ITPR2: variants seen among roughly 807,000 people sequenced by gnomAD.
ITPR2 encodes inositol 1,4,5-trisphosphate receptor type 2, also known as inositol 1,4,5-trisphosphate-gated calcium channel ITPR2.
ITPR2 carries 207 observed loss-of-function variants against 317.1 expected under a neutral mutation model. That is an observed-to-expected ratio of 0.65 (90% CI 0.58 to 0.73). The LOEUF is 0.73. Among genes scored for constraint, ITPR2 ranks in the 30% least tolerant of loss-of-function variants. ITPR2 has a pLI of 0.00. For missense variants in ITPR2, 2,613 were observed against 3,284.0 expected, an observed-to-expected ratio of 0.80 and a Z score of 4.99; for synonymous variants, 1,156 against 1,149.1, an observed-to-expected ratio of 1.01 and a Z score of -0.12.
intron 54 of ITPR2, among the ~76,000 whole-genome samples, chr12:26,392,965 C>T (rs1310433978): frequency 6.6e-6 from 1 of 152,202 alleles, no homozygotes; most frequent in Non-Finnish European, 1.5e-5. Flanking sequence ...TAATCTGTGT[C>T]TCTGCTTCCT....
At chr12:26,589,833 CAT>C (rs796334245) in intron 32 of ITPR2, among the ~76,000 whole-genome samples, 23 of 32,890 alleles carry the variant, frequency 7.0e-4, no homozygotes, top group African/African-American at 1.4e-3. Flanking sequence ...AATAAATAAA[CAT>C]ATATATATAT....
intron 46 of ITPR2, among the ~76,000 whole-genome samples, chr12:26,440,265 T>TTTG (rs938723723): frequency 1.3e-5 from 2 of 152,108 alleles, no homozygotes; most frequent in South Asian, 2.1e-4. Flanking sequence ...ACAAAAGTTT[T>TTTG]TTGTTGTTGT....
At chr12:26,477,294 A>G (rs949223828) in intron 43 of ITPR2, among the ~76,000 whole-genome samples, 12 of 152,154 alleles carry the variant, frequency 7.9e-5, no homozygotes, top group Non-Finnish European at 1.5e-4. Context: ...ACACTAAAAT[A>G]TAATCATATT....
chr12:26,580,865 G>A (rs1206926790), intron 32 of ITPR2, among the ~76,000 whole-genome samples: 1 of 152,114 alleles, frequency 6.6e-6, no homozygotes, highest in Non-Finnish European at 1.5e-5. Context: ...GCATTTTGCT[G>A]TAAATTTCAA....
chr12:26,787,039 T>G (rs2137203517), intron 2 of ITPR2, among the ~76,000 whole-genome samples: 1 of 152,194 alleles, frequency 6.6e-6, no homozygotes, highest in East Asian at 1.9e-4. Flanking sequence ...GGGAAATATA[T>G]TCATGCAGAG....
At chr12:26,461,603 CAAT>C (rs1212814988) in intron 45 of ITPR2, among the ~76,000 whole-genome samples, 1 of 126,188 alleles carries the variant, frequency 7.9e-6, no homozygotes, top group Non-Finnish European at 1.6e-5. Context: ...ACAAAGCTGA[CAAT>C]AAGAAAAAGA....
At chr12:26,460,397 A>G (rs2136781442) in intron 45 of ITPR2, among the ~76,000 whole-genome samples, 1 of 152,348 alleles carries the variant, frequency 6.6e-6, no homozygotes, top group East Asian at 1.9e-4. Context: ...ATTTTTCAAC[A>G]TATATTTTCA....
intron 55 of ITPR2, among the ~76,000 whole-genome samples, chr12:26,350,969 A>T (rs1938462445): frequency 2.6e-5 from 4 of 152,142 alleles, no homozygotes; most frequent in Admixed American, 2.6e-4. Flanking sequence ...CCACAGAGAG[A>T]AGAGGGAGTG....
At chr12:26,429,620 C>T (rs965627739) in intron 48 of ITPR2, among the ~76,000 whole-genome samples, 7 of 152,122 alleles carry the variant, frequency 4.6e-5, no homozygotes, top group African/African-American at 1.7e-4. Flanking sequence ...CCAGGATGTA[C>T]AATCTAAAAG....
chr12:26,526,624 C>G (rs1943814491), intron 37 of ITPR2, among the ~76,000 whole-genome samples: 1 of 151,826 alleles, frequency 6.6e-6, no homozygotes, highest in Non-Finnish European at 1.5e-5. Context: ...ACAACTGTTA[C>G]TCTATGAAAA....
intron 37 of ITPR2, among the ~76,000 whole-genome samples, chr12:26,522,198 C>T (rs1301436540): frequency 1.3e-5 from 2 of 152,052 alleles, no homozygotes; most frequent in Non-Finnish European, 2.9e-5. Context: ...CTGTATAATG[C>T]TGATTTAATT....
chr12:26,751,278 G>C (rs1455308297), intron 2 of ITPR2, among the ~76,000 whole-genome samples: 1 of 152,068 alleles, frequency 6.6e-6, no homozygotes, highest in Non-Finnish European at 1.5e-5. Flanking sequence ...AAAGTTGAAA[G>C]ATCATGTCAC....
At chr12:26,476,574 A>G (rs564525028) in intron 44 of ITPR2, among the ~76,000 whole-genome samples, 21 of 152,190 alleles carry the variant, frequency 1.4e-4, no homozygotes, top group African/African-American at 4.8e-4. Context: ...GAGTACAAAC[A>G]TTTTTTTTAC....
At chr12:26,812,502 C>A (rs199740269) in intron 1 of ITPR2, among the ~76,000 whole-genome samples, 1 of 152,086 alleles carries the variant, frequency 6.6e-6, no homozygotes, top group African/African-American at 2.4e-5. Context: ...TGGCGTGAAC[C>A]CGTGAGGCGG....
At chr12:26,768,581 A>AAC (rs1949780102) in intron 2 of ITPR2, among the ~76,000 whole-genome samples, 1 of 146,368 alleles carries the variant, frequency 6.8e-6, no homozygotes, top group Admixed American at 6.8e-5. Flanking sequence ...TAAAAAAAAA[A>AAC]AAAAAAAAAA....
rs1225338266 is a variant in ITPR2, at chr12:26,654,144, A to G, written c.2590-18T>C. ...TGGACCACCTTAATAAAAAAAAAAAAGCGGGGAGGGGGAGGGTGAAAGAGT... is the reference window on the plus strand; with the variant it reads ...TGGACCACCTTAATAAAAAAAAAAAGGCGGGGAGGGGGAGGGTGAAAGAGT... On this transcript the variant is annotated intron_variant, in intron 20 of 56. Coordinates refer to ENST00000381340, the MANE Select transcript of ITPR2 (RefSeq NM_002223.4). 10 of 1,204,800 alleles carry G rather than the reference A, an allele frequency of 8.3e-6. No individual in the cohort carries two copies. Among genetic ancestry groups the G allele is most frequent in the South Asian group, 1.3e-5 (1 of 74,562 alleles). 74.6% of individuals were successfully genotyped at this position (1,204,800 alleles called of 1,614,324 possible).
chr12:26,591,416 T>A (rs1945701040), intron 32 of ITPR2, among the ~76,000 whole-genome samples: 1 of 152,154 alleles, frequency 6.6e-6, no homozygotes, highest in African/African-American at 2.4e-5. Flanking sequence ...GTGGCTTTTA[T>A]CCAAAAGACA....
intron 32 of ITPR2, among the ~76,000 whole-genome samples, chr12:26,585,365 GT>G (rs1263469854): frequency 1.3e-5 from 2 of 151,970 alleles, no homozygotes; most frequent in African/African-American, 4.8e-5. Flanking sequence ...TTATTTAACC[GT>G]TTGTCAAATA....
intron 34 of ITPR2, among the ~76,000 whole-genome samples, chr12:26,568,988 C>A (rs1223859993): frequency 6.6e-6 from 1 of 152,112 alleles, no homozygotes; most frequent in East Asian, 1.9e-4. Context: ...CTAGTATTGG[C>A]ACACTTGATT....
Sources: allele counts gnomAD v4.1 joint callset (sites outside exome capture counted in the v4.1 genomes callset), GRCh38; gene constraint gnomAD v4.1.1; transcripts MANE v1.5; gene names NCBI Gene and HGNC (gene_info 2026-07-23, HGNC 2026-07-21).